RGMB: variants seen among roughly 807,000 people sequenced by gnomAD.
RGMB encodes the protein repulsive guidance molecule B.
RGMB carries 16 observed loss-of-function variants against 26.9 expected under a neutral mutation model. The ratio of observed to expected loss-of-function variants is 0.60; its 90% CI spans 0.40 to 0.90. The LOEUF (loss-of-function observed/expected upper bound fraction) is 0.90, where lower values mean the gene tolerates loss of function less well. RGMB is among the 40% of genes least tolerant of loss of function. The pLI is 0.00. For synonymous variants in RGMB, 225 were observed against 229.3 expected, an observed-to-expected ratio of 0.98 and a Z score of 0.17; for missense variants, 512 against 573.3, an observed-to-expected ratio of 0.89 and a Z score of 1.09.
At chr5:98,790,813 C>T (rs539085463) in intron 2 of RGMB, among the ~76,000 whole-genome samples, 8 of 152,202 alleles carry the variant, frequency 5.3e-5, no homozygotes, top group East Asian at 1.9e-4. Flanking sequence ...ATTATTTAGC[C>T]GTCATTGAAG....
At chr5:98,793,032 C>G (rs1746981749) in intron 2 of RGMB, 53 bp from the exon 3 acceptor site, 7 of 1,436,326 alleles carry the variant, frequency 4.9e-6, no homozygotes, top group Non-Finnish European at 6.6e-6. Flanking sequence ...GAGGGTTACC[C>G]CGTTCTGCTT....
upstream of RGMB, chr5:98,770,852 T>C (rs1358323446): frequency 2.4e-6 from 1 of 422,426 alleles, no homozygotes; most frequent in Admixed American, 4.4e-5. Context: ...CGCTGAGCTG[T>C]TGGACTCCGG....
intron 2 of RGMB, among the ~76,000 whole-genome samples, chr5:98,792,543 G>A (rs1746961061): frequency 6.6e-6 from 1 of 151,938 alleles, no homozygotes; most frequent in African/African-American, 2.4e-5. Context: ...AGACCAGCCT[G>A]GGCAACGTAG....
At chr5:98,776,521 T>C (rs1746406714) in intron 1 of RGMB, among the ~76,000 whole-genome samples, 1 of 152,242 alleles carries the variant, frequency 6.6e-6, no homozygotes, top group Non-Finnish European at 1.5e-5. Context: ...GGAGGCTTAC[T>C]TTACCGCCTA....
At chr5:98,781,894 T>C (rs553876742) in intron 2 of RGMB, among the ~76,000 whole-genome samples, 2 of 152,372 alleles carry the variant, frequency 1.3e-5, no homozygotes, top group South Asian at 4.1e-4. Flanking sequence ...AAGATCATTT[T>C]ATTTCAGTTG....
At position 98,773,689 on chromosome 5, in the gene RGMB, T is replaced by G. The variant is rs1445067867; in HGVS notation, c.-382T>G. 5 of 362,004 alleles carry G rather than the reference T, an allele frequency of 1.4e-5. No homozygotes were observed. The highest frequency in any genetic ancestry group is 1.4e-4 in the South Asian group (1 of 7,274). The allele number at this position is 362,004 out of a possible 1,614,324, so 22.4% of individuals were successfully genotyped here. Reference sequence around the variant, plus strand: ...CAGAGATATCCGGGCCGCCGGTGGGTGGTCGCTAGGGCTGGGCCAGCCTCT... The same window carrying G: ...CAGAGATATCCGGGCCGCCGGTGGGGGGTCGCTAGGGCTGGGCCAGCCTCT... On this transcript the variant is annotated 5_prime_UTR_variant, in exon 1 of 3. Transcript: ENST00000513185.
chr5:98,790,391 T>C (rs1003500065), intron 2 of RGMB, among the ~76,000 whole-genome samples: 3 of 152,220 alleles, frequency 2.0e-5, no homozygotes, highest in African/African-American at 7.2e-5. Flanking sequence ...AAATCACTAC[T>C]AGTAAATTGG....
intron 2 of RGMB, among the ~76,000 whole-genome samples, chr5:98,791,122 AAATC>A (rs1326547091): frequency 2.0e-5 from 3 of 152,224 alleles, no homozygotes; most frequent in African/African-American, 7.2e-5. Flanking sequence ...AAATTTCCTG[AAATC>A]ATCTCTGATG....
Position 98,773,872 on chromosome 5 carries a change from T to G in RGMB, c.-199T>G, listed in dbSNP as rs1265279204. The G allele has an allele frequency of 7.9e-6, 4 of 504,784 alleles. No individual in the cohort carries two copies. The highest frequency in any genetic ancestry group is 1.4e-5 in the Non-Finnish European group (4 of 290,466). 31.3% of individuals were successfully genotyped at this position (504,784 alleles called of 1,614,324 possible). ...CCACGATGCCCCTGCGCCCCGCTGC[T>G]GCCGCCGCGGACTGGCTGCGCCGGC... On this transcript the variant is annotated 5_prime_UTR_variant, in exon 1 of 3. Coordinates refer to ENST00000513185, the MANE Select transcript of RGMB (RefSeq NM_001366508.1).
rs572408217 is a variant in RGMB, at chr5:98,775,945, A to G, written c.136+1739A>G. On this transcript the variant is annotated intron_variant, in intron 1 of 2. Coordinates refer to ENST00000513185, the MANE Select transcript of RGMB (RefSeq NM_001366508.1). ...TAAATGCCCGGGTTGTTTCTCAGATAAGGGAACCCAGCAAGAGTGCCAGTG... is the reference window on the plus strand; with the variant it reads ...TAAATGCCCGGGTTGTTTCTCAGATGAGGGAACCCAGCAAGAGTGCCAGTG... 1.2e-4 allele frequency among the ~76,000 whole-genome samples: 18 copies of G among 152,308 alleles called. No individual in the cohort carries two copies. The South Asian group carries it at 3.7e-3, about 32-fold the overall frequency.
intron 1 of RGMB, among the ~76,000 whole-genome samples, chr5:98,777,025 G>A (rs1188415381): frequency 6.6e-6 from 1 of 151,728 alleles, no homozygotes; most frequent in Non-Finnish European, 1.5e-5. Context: ...GGCGGAGGTT[G>A]CAGTGAGCCG....
At chr5:98,770,524 C>T, upstream of RGMB, 3 of 682,940 alleles carry the variant, frequency 4.4e-6, no homozygotes, top group South Asian at 7.5e-5. Context: ...ATGAGCCCCC[C>T]GCAAGCCCCG....
Position 98,773,671 on chromosome 5 carries a change from A to T in RGMB, c.-400A>T, listed in dbSNP as rs2112332713. On this transcript the variant is annotated 5_prime_UTR_variant, in exon 1 of 3. Transcript: ENST00000513185. Reference sequence around the variant, plus strand: ...ACCGCGGGGGCTGCCGCGCAGAGATATCCGGGCCGCCGGTGGGTGGTCGCT... The same window carrying T: ...ACCGCGGGGGCTGCCGCGCAGAGATTTCCGGGCCGCCGGTGGGTGGTCGCT... 2 of 350,448 alleles carry T rather than the reference A, an allele frequency of 5.7e-6. No homozygotes were observed. Among genetic ancestry groups the T allele is most frequent in the East Asian group, 4.4e-5 (1 of 22,814 alleles). 21.7% of individuals were successfully genotyped at this position (350,448 alleles called of 1,614,324 possible).
At chr5:98,791,423 T>C (rs1407847209) in intron 2 of RGMB, among the ~76,000 whole-genome samples, 1 of 151,064 alleles carries the variant, frequency 6.6e-6, no homozygotes, top group Non-Finnish European at 1.5e-5. Context: ...GAGCAAATGC[T>C]GGCCGAGTTG....
intron 1 of RGMB, among the ~76,000 whole-genome samples, chr5:98,776,413 TC>T (rs1746403161): frequency 6.6e-6 from 1 of 152,230 alleles, no homozygotes; most frequent in African/African-American, 2.4e-5. Flanking sequence ...TGAATAGAGA[TC>T]CAATATGGGA....
chr5:98,789,475 T>C (rs888090452), intron 2 of RGMB, among the ~76,000 whole-genome samples: 4 of 145,450 alleles, frequency 2.8e-5, no homozygotes, highest in Non-Finnish European at 4.6e-5. Context: ...TTTCATTTAA[T>C]ATGTTTTTTT....
chr5:98,770,500 T>C (rs1253233134), upstream of RGMB: 4 of 497,468 alleles, frequency 8.0e-6, no homozygotes, highest in Non-Finnish European at 1.3e-5. Context: ...GGGCCCGTTG[T>C]CTACGAGCGG....
intron 1 of RGMB, among the ~76,000 whole-genome samples, chr5:98,775,372 C>T (rs1418563486): frequency 1.3e-5 from 2 of 152,046 alleles, no homozygotes; most frequent in Admixed American, 1.3e-4. Flanking sequence ...AGGGAAAAGA[C>T]GGCTTAATAA....
chr5:98,771,920 G>A (rs1746177853), upstream of RGMB, among the ~76,000 whole-genome samples: 2 of 135,432 alleles, frequency 1.5e-5, no homozygotes, highest in African/African-American at 5.7e-5. Context: ...TATAGGGGTC[G>A]AATTAAATCT....
Sources: gnomAD v4.1 joint callset for allele counts (sites outside exome capture counted in the v4.1 genomes callset) on GRCh38, gnomAD v4.1.1 for gene constraint, MANE v1.5 for transcripts, NCBI Gene and HGNC (gene_info 2026-07-23, HGNC 2026-07-21) for gene names.